The following TRIM23 variants were observed in gnomAD, a reference collection of about 807,000 sequenced individuals.
The protein encoded by TRIM23 is tripartite motif containing 23.
Under a neutral mutation model 71.0 loss-of-function variants are expected in TRIM23, and 27 were observed. The ratio of observed to expected loss-of-function variants is 0.38; its 90% CI spans 0.28 to 0.52. The LOEUF (loss-of-function observed/expected upper bound fraction) is 0.52. Ranked by LOEUF, TRIM23 falls within the 20% of genes least tolerant of loss-of-function variation. TRIM23 has a pLI of 0.84. For synonymous variants in TRIM23, 234 were observed against 238.0 expected, an observed-to-expected ratio of 0.98 and a Z score of 0.16; for missense variants, 482 against 692.3, an observed-to-expected ratio of 0.70 and a Z score of 3.41.
intron 10 of TRIM23, among the ~76,000 whole-genome samples, chr5:65,592,518 C>T (rs542311640): frequency 2.0e-5 from 3 of 152,048 alleles, no homozygotes; most frequent in East Asian, 1.9e-4. Flanking sequence ...TGAGCCACCA[C>T]GCCTGGCCTG....
intron 3 of TRIM23, among the ~76,000 whole-genome samples, chr5:65,613,503 A>G (rs528317590): frequency 2.7e-4 from 41 of 152,336 alleles, no homozygotes; most frequent in African/African-American, 9.6e-4. Context: ...CCTATAGTAC[A>G]TATGTGCAGC....
At chr5:65,604,886 C>A (rs766687079) in intron 7 of TRIM23, 25 bp downstream of exon 7, 3 of 1,538,118 alleles carry the variant, frequency 2.0e-6, no homozygotes, top group South Asian at 1.3e-5. Context: ...GAAAAAATAC[C>A]TAAAAATAAA....
intron 1 of TRIM23, among the ~76,000 whole-genome samples, chr5:65,623,300 C>A (rs562435944): frequency 6.6e-6 from 1 of 152,282 alleles, no homozygotes; most frequent in South Asian, 2.1e-4. Flanking sequence ...CTCATCAGAA[C>A]TGGAGGAGGA....
intron 6 of TRIM23, among the ~76,000 whole-genome samples, chr5:65,606,172 G>A (rs1355324391): frequency 6.6e-6 from 1 of 152,172 alleles, no homozygotes; most frequent in East Asian, 1.9e-4. Context: ...ACCCAAGGAT[G>A]GTGGCTCACA....
At position 65,591,272 on chromosome 5, in the gene TRIM23, T is replaced by G; in HGVS notation, c.*497A>C. ...ATAAAGTAATCCTATTATCCAAATA[T>G]GTAGTTTGGATTCTATTTCATTAAG... On this transcript the variant is annotated 3_prime_UTR_variant, in exon 11 of 11. Coordinates refer to ENST00000231524, the MANE Select transcript of TRIM23 (RefSeq NM_001656.4). The G allele has an allele frequency of 7.4e-7, 1 of 1,349,648 alleles. No homozygotes were observed. Among genetic ancestry groups the G allele is most frequent in the Non-Finnish European group, 9.5e-7 (1 of 1,053,330 alleles). 83.6% of individuals were successfully genotyped at this position (1,349,648 alleles called of 1,614,324 possible). A position where few individuals can be genotyped will look rare whatever the true frequency, so the allele number is the denominator to read the frequency against.
intron 10 of TRIM23, among the ~76,000 whole-genome samples, chr5:65,593,459 A>G (rs146771320): frequency 1.2e-3 from 184 of 152,308 alleles, no homozygotes; most frequent in South Asian, 9.7e-3. Flanking sequence ...ACAGTTGTAT[A>G]TAAGTCTGAG....
chr5:65,620,667 T>C (rs1051814951), intron 1 of TRIM23, among the ~76,000 whole-genome samples: 7 of 152,304 alleles, frequency 4.6e-5, no homozygotes, highest in African/African-American at 1.2e-4. Context: ...TGGTTCCCCA[T>C]GAAAAAGGCA....
At chr5:65,614,765 TA>T (rs891880823) in intron 2 of TRIM23, among the ~76,000 whole-genome samples, 4 of 150,276 alleles carry the variant, frequency 2.7e-5, no homozygotes, top group Admixed American at 2.6e-4. Context: ...TAAATACACA[TA>T]AAAAAAATTA....
At chr5:65,624,133 G>T in intron 1 of TRIM23, 61 bp downstream of exon 1, 3 of 1,603,070 alleles carry the variant, frequency 1.9e-6, no homozygotes, top group South Asian at 1.1e-5. Context: ...ATGCCGCCAG[G>T]TCTCCAGGAT....
At chr5:65,616,761 GC>G (rs1181058369) in intron 2 of TRIM23, among the ~76,000 whole-genome samples, 1 of 150,574 alleles carries the variant, frequency 6.6e-6, no homozygotes, top group Non-Finnish European at 1.5e-5. Context: ...TGCTCTTGTT[GC>G]CCAGGCTGGA....
At chr5:65,614,435 T>C (rs539148687) in intron 2 of TRIM23, among the ~76,000 whole-genome samples, 122 of 152,300 alleles carry the variant, frequency 8.0e-4, no homozygotes, top group Middle Eastern at 3.4e-3. Context: ...AAACACACTT[T>C]AAAATTTATT....
intron 1 of TRIM23, 107 bp from the exon 2 acceptor site, chr5:65,618,362 TA>T: frequency 8.3e-7 from 1 of 1,208,126 alleles, no homozygotes; most frequent in African/African-American, 1.6e-5. Flanking sequence ...ATTGTTACTT[TA>T]TTCCTCTATG....
intron 1 of TRIM23, 89 bp downstream of exon 1, chr5:65,624,105 G>C: frequency 5.8e-6 from 9 of 1,539,000 alleles, no homozygotes; most frequent in Non-Finnish European, 7.2e-6. Context: ...CCCACCTATC[G>C]AAGCCTGGGC....
intron 2 of TRIM23, among the ~76,000 whole-genome samples, chr5:65,615,357 C>A (rs1449401269): frequency 6.6e-6 from 1 of 152,174 alleles, no homozygotes; most frequent in Non-Finnish European, 1.5e-5. Context: ...CTTCCTGAAC[C>A]TATGAATAAA....
At chr5:65,622,246 A>C (rs1581194734) in intron 1 of TRIM23, among the ~76,000 whole-genome samples, 1 of 152,120 alleles carries the variant, frequency 6.6e-6, no homozygotes, top group Non-Finnish European at 1.5e-5. Flanking sequence ...GCTCACTGCA[A>C]CCTCCGCCTC....
chr5:65,612,292 T>G (rs1754673634), intron 3 of TRIM23, among the ~76,000 whole-genome samples: 1 of 152,292 alleles, frequency 6.6e-6, no homozygotes, highest in South Asian at 2.1e-4. Context: ...CATGATGATG[T>G]ATAGGAAGGA....
Position 65,594,603 on chromosome 5 carries a change from C to G in TRIM23, c.1463G>C (p.Ser488Thr), listed in dbSNP as rs1561740322. ...VVDSSHRDRI[S>T]EAHSELAKLL... ...CTTTGCAAGTTCGCTGTGTGCTTCA[C>G]TAATTCTGTCTCTATGACTGCTATC... The change falls in exon 10 of 11, where the codon AGT becomes ACT. Residue 488 changes from serine to threonine, a missense_variant. Physicochemically the swap from Ser to Thr is moderately conservative, Grantham distance 58. Coordinates refer to ENST00000231524, the MANE Select transcript of TRIM23 (RefSeq NM_001656.4). 2 of 1,611,672 alleles carry G rather than the reference C, an allele frequency of 1.2e-6. No individual in the cohort carries two copies. Among genetic ancestry groups the G allele is most frequent in the African/African-American group, 2.7e-5 (2 of 74,878 alleles).
At chr5:65,605,894 G>C (rs1280662569) in intron 6 of TRIM23, among the ~76,000 whole-genome samples, 1 of 152,058 alleles carries the variant, frequency 6.6e-6, no homozygotes, top group East Asian at 1.9e-4. Context: ...TCTCTTTCCC[G>C]CATGCCCTAC....
intron 1 of TRIM23, among the ~76,000 whole-genome samples, chr5:65,620,259 C>T (rs1162870771): frequency 1.3e-5 from 2 of 152,092 alleles, no homozygotes; most frequent in Non-Finnish European, 2.9e-5. Context: ...TGGAGGGCAA[C>T]TTGACAATAC....
Sources: allele counts gnomAD v4.1 joint callset (sites outside exome capture counted in the v4.1 genomes callset), GRCh38; gene constraint gnomAD v4.1.1; transcripts MANE v1.5; gene names NCBI Gene and HGNC (gene_info 2026-07-23, HGNC 2026-07-21).